The following ABCA7 variants were observed in gnomAD, a reference collection of about 807,000 sequenced individuals.
The protein encoded by ABCA7 is phospholipid-transporting ATPase ABCA7.
Under a neutral mutation model 227.6 loss-of-function variants are expected in ABCA7, and 261 were observed. The observed-to-expected ratio is 1.15, with a 90% CI of 1.04 to 1.27. ABCA7 has a LOEUF of 1.27. Ranked by LOEUF, ABCA7 falls within the 50% of genes most tolerant of loss-of-function variation. The probability of loss-of-function intolerance (pLI) is 0.00; values close to 1 mark genes in which losing one functional copy is unlikely to be tolerated. For missense variants in ABCA7, 3,331 were observed against 2,924.5 expected (o/e 1.14, Z -3.21); for synonymous variants, 1,488 against 1,279.7 (o/e 1.16, Z -3.47).
rs2039866598 is a variant in ABCA7 at position 1,040,170 on chromosome 19, C to G, written c.-164C>G. ...TGCCTGCTGCTGGGCGGAGGGAAGGCGGCAAGAGCTGCGGAGCCCCTGGAA... is the reference window on the plus strand; with the variant it reads ...TGCCTGCTGCTGGGCGGAGGGAAGGGGGCAAGAGCTGCGGAGCCCCTGGAA... On this transcript the variant is annotated 5_prime_UTR_variant, in exon 1 of 47. Coordinates refer to ENST00000263094, the MANE Select transcript of ABCA7 (RefSeq NM_019112.4). 1 of 152,250 alleles carries G rather than the reference C, an allele frequency of 6.6e-6. No homozygotes were observed. The highest frequency in any genetic ancestry group is 6.5e-5 in the Admixed American group (1 of 15,280). The allele number at this position is 152,250 out of a possible 1,614,324, so 9.4% of individuals were successfully genotyped here. A position where few individuals can be genotyped will look rare whatever the true frequency, so the allele number is the denominator to read the frequency against.
chr19:1,062,505 T>G (rs2042727414), intron 42 of ABCA7, among the ~76,000 whole-genome samples, 192 bp downstream of exon 42: 1 of 152,020 alleles, frequency 6.6e-6, no homozygotes, highest in Non-Finnish European at 1.5e-5. Flanking sequence ...AGCCCGCCTC[T>G]TTGCCCCGCA....
Position 1,051,929 on chromosome 19 carries a change from C to A in ABCA7, c.2963-13C>A, listed in dbSNP as rs762821877. On this transcript the variant is annotated splice_polypyrimidine_tract_variant and intron_variant, in intron 21 of 46. Coordinates refer to ENST00000263094, the MANE Select transcript of ABCA7 (RefSeq NM_019112.4). ...GGCCTGATGGTAGTTGTGGGTTGGT[C>A]CCCCGTGCCTAGGTCGCACGCTGAT... The A allele has an allele frequency of 6.2e-7, 1 of 1,607,656 alleles. No individual in the cohort carries two copies. Among genetic ancestry groups the A allele is most frequent in the South Asian group, 1.1e-5 (1 of 90,972 alleles).
intron 18 of ABCA7, 152 bp from the exon 19 acceptor site, chr19:1,050,769 A>G (rs1041878534): frequency 2.4e-5 from 10 of 420,444 alleles, no homozygotes; most frequent in African/African-American, 2.0e-4. Flanking sequence ...AACAGAGTGA[A>G]ACTCCGTCTC....
At chr19:1,049,162 G>T in intron 17 of ABCA7, 104 bp from the exon 18 acceptor site, 2 of 1,366,218 alleles carry the variant, frequency 1.5e-6, no homozygotes, top group Non-Finnish European at 2.0e-6. Context: ...AGCTTTTATA[G>T]GCCCCGGCCC....
Position 1,057,424 on chromosome 19 carries a change from G to A in ABCA7, c.4875G>A (p.Leu1625=), listed in dbSNP as rs754027385. Residue 1625 remains leucine (L), a synonymous_variant, in exon 35 of 47, where the codon CTG becomes CTA. Coordinates refer to ENST00000263094, the MANE Select transcript of ABCA7 (RefSeq NM_019112.4). ...NLPALLLLLL[L]YGWSITPLMY... ...CTGCTCTCCTGCTGTTGCTACTACT[G>A]TATGGGTGAGGCCCCCAGTCCCTCA... 12 of 1,613,328 alleles carry A rather than the reference G, an allele frequency of 7.4e-6. No homozygotes were observed. The South Asian group carries it at 1.1e-4, about 15-fold the overall frequency.
chr19:1,053,073 T>G (rs932032009), intron 23 of ABCA7, among the ~76,000 whole-genome samples: 2 of 152,198 alleles, frequency 1.3e-5, no homozygotes, highest in African/African-American at 4.8e-5. Context: ...TTTGCATTTT[T>G]GGTAGAAATG....
intron 44 of ABCA7, 36 bp from the exon 45 acceptor site, chr19:1,064,125 C>T (rs554138125): frequency 9.2e-6 from 14 of 1,521,604 alleles, no homozygotes; most frequent in South Asian, 2.5e-5. Flanking sequence ...CAGGTGGCCC[C>T]GGCCTCACGG....
rs746810662 is a variant in ABCA7 at position 1,059,056 on chromosome 19, C to T, written c.5434C>T (p.Arg1812Cys). 46 of 1,613,592 alleles carry T rather than the reference C, an allele frequency of 2.9e-5. No homozygotes were observed. Among genetic ancestry groups the T allele is most frequent in the Non-Finnish European group, 3.3e-5 (39 of 1,179,978 alleles). Residue 1812 changes from arginine to cysteine, a missense_variant, in exon 40 of 47, where the codon CGC (arginine) becomes TGC (cysteine). By Grantham distance (180) the Arg-to-Cys change is radical. Coordinates refer to ENST00000263094, the MANE Select transcript of ABCA7 (RefSeq NM_019112.4). ...TGGGCAGAGGATGCCAGCTGTTGAC[C>T]GCTTGTGCCTGGGGATTCCCCCTGG... is the stretch of plus-strand genomic sequence containing the variant. ...YRGQRMPAVD[R>C]LCLGIPPGEC...
At chr19:1,046,717 G>A (rs899511877) in intron 13 of ABCA7, 85 bp from the exon 14 acceptor site, 7 of 1,378,286 alleles carry the variant, frequency 5.1e-6, no homozygotes, top group African/African-American at 1.4e-5. Context: ...GAGATCCCGG[G>A]ACACGAACCA....
At chr19:1,062,113 G>T in intron 41 of ABCA7, 59 bp from the exon 42 acceptor site, 1 of 1,587,786 alleles carries the variant, frequency 6.3e-7, no homozygotes, top group Non-Finnish European at 8.6e-7. Context: ...CCCTGTGTTA[G>T]CCACCAGTAT....
At position 1,053,531 on chromosome 19, in the gene ABCA7, GGT is replaced by G; in HGVS notation, c.3423+4_3423+5del. The G allele has an allele frequency of 6.4e-7, 1 of 1,559,952 alleles. No individual in the cohort carries two copies. Among genetic ancestry groups the G allele is most frequent in the Non-Finnish European group, 8.6e-7 (1 of 1,157,704 alleles). On this transcript the variant is annotated splice_donor_variant, in intron 24 of 46. Transcript: ENST00000263094. LOFTEE classifies it high-confidence loss of function. ...GGATCTCCGACACCAGCCTCGAGGA[GGT>G]GTGAGGCCTGGGTGGTGGTGAGGTG...
At chr19:1,055,832 T>C in intron 30 of ABCA7, 75 bp from the exon 31 acceptor site, 6 of 1,431,766 alleles carry the variant, frequency 4.2e-6, no homozygotes, top group Non-Finnish European at 5.7e-6. Context: ...CCCTTGACTC[T>C]GTGCTCCCCT....
Position 1,061,763 on chromosome 19 carries a change from T to C in ABCA7, c.5464-19T>C, listed in dbSNP as rs2042670107. 2.5e-6 allele frequency: 4 copies of C among 1,597,416 alleles called. No homozygotes were observed. The Admixed American group carries it at 5.1e-5, about 20-fold the overall frequency. On this transcript the variant is annotated intron_variant, in intron 40 of 46. Transcript: ENST00000263094. ...GGGCCTGGGGCCTCACTGAGCACCA[T>C]CTGTGGGCATCCCTGTAGTGTTTTG...
Position 1,054,698 on chromosome 19 carries a change from G to C in ABCA7, c.3851+4G>C, listed in dbSNP as rs939323493. On this transcript the variant is annotated splice_donor_region_variant and intron_variant, in intron 28 of 46. Coordinates refer to ENST00000263094, the MANE Select transcript of ABCA7 (RefSeq NM_019112.4). The surrounding 1 kb of genome is among the most constrained non-coding windows in gnomAD (Gnocchi z 4.8). Reference sequence around the variant, plus strand: ...GTGCTCAGGTGTCCTTCTTCAGGTGGGTGCAGAAGGAAGGGGCTGGTGGCA... The same window carrying C: ...GTGCTCAGGTGTCCTTCTTCAGGTGCGTGCAGAAGGAAGGGGCTGGTGGCA... The C allele has an allele frequency of 1.4e-5, 22 of 1,611,142 alleles. No individual in the cohort carries two copies. Among genetic ancestry groups the C allele is most frequent in the Non-Finnish European group, 1.7e-5 (20 of 1,178,072 alleles).
Position 1,045,178 on chromosome 19 carries a change from C to T in ABCA7, c.1392C>T (p.Ile464=), listed in dbSNP as rs763465079. Residue 464 remains isoleucine (I), a synonymous_variant, in exon 12 of 47, where the codon ATC becomes ATT. Coordinates refer to ENST00000263094, the MANE Select transcript of ABCA7 (RefSeq NM_019112.4). ...ACCTGGGCCCCGGCCACGTGCGCAT[C>T]AAAATCCGCATGGACATTGACGTGG... ...TPDLGPGHVR[I]KIRMDIDVVT... The T allele has an allele frequency of 6.4e-7, 1 of 1,571,474 alleles. No individual in the cohort carries two copies. The highest frequency in any genetic ancestry group is 8.7e-7 in the Non-Finnish European group (1 of 1,153,216).
chr19:1,041,787 C>G (rs772854996), intron 3 of ABCA7, 44 bp from the exon 4 acceptor site: 25 of 1,597,916 alleles, frequency 1.6e-5, no homozygotes, highest in Non-Finnish European at 2.0e-5. Flanking sequence ...GGGGTGGAGT[C>G]AGGCAGAGTC....
rs572610288 is a variant in ABCA7 at position 1,065,069 on chromosome 19, G to C, written c.6183G>C (p.Pro2061=). 92 of 1,565,906 alleles carry C rather than the reference G, an allele frequency of 5.9e-5. 2 individuals are homozygous for C. In the South Asian group the frequency reaches 9.7e-4, roughly 17 times the overall value. ...GCCGCCTGCGCTTCCAGCTGCCGCC[G>C]GGAGGGCGCTGCGCCCTGGCGCGCG... ...HGGRLRFQLP[P]GGRCALARVF... is the part of the protein sequence containing the mutation. The change falls in exon 46 of 47, where the codon CCG becomes CCC. Residue 2061 remains proline (P), a synonymous_variant. Coordinates refer to ENST00000263094, the MANE Select transcript of ABCA7 (RefSeq NM_019112.4).
intron 44 of ABCA7, 62 bp downstream of exon 44, chr19:1,063,925 C>G: frequency 2.0e-6 from 3 of 1,470,976 alleles, no homozygotes; most frequent in Non-Finnish European, 2.7e-6. Context: ...AGAGAGAGCC[C>G]CAAAGCACAA....
Position 1,054,328 on chromosome 19 carries a change from G to A in ABCA7, c.3713G>A (p.Gly1238Asp). The change falls in exon 27 of 47, where the codon GGC becomes GAC. Residue 1238 changes from glycine to aspartate, a missense_variant. Transcript: ENST00000263094. This position sits in a 1 kb window ranked among gnomAD's most constrained non-coding sequence, Gnocchi z 4.8. ...RFLLARRSRRGLFAQIVLPAL... is the reference protein window; with the variant it reads ...RFLLARRSRRDLFAQIVLPAL... ...CTGCTTGCCCGCCGCAGCCGCCGCG[G>A]CCTGTTCGCCCAGGTGAGGAGGGCT... 2 of 1,598,970 alleles carry A rather than the reference G, an allele frequency of 1.3e-6. No individual in the cohort carries two copies. Among genetic ancestry groups the A allele is most frequent in the Non-Finnish European group, 1.7e-6 (2 of 1,178,228 alleles).
Sources: allele counts gnomAD v4.1 joint callset (sites outside exome capture counted in the v4.1 genomes callset), GRCh38; gene constraint gnomAD v4.1.1; non-coding constraint Gnocchi (gnomAD v3.1); transcripts MANE v1.5; gene names NCBI Gene and HGNC (gene_info 2026-07-23, HGNC 2026-07-21).